Variants in GCAT observed in about 807,000 individuals in gnomAD.
The protein encoded by GCAT is 2-amino-3-ketobutyrate coenzyme A ligase, mitochondrial.
A neutral mutation model predicts 39.7 loss-of-function variants in GCAT; 26 were observed. The observed-to-expected ratio is 0.65, with a 90% CI of 0.48 to 0.91. The LOEUF is 0.91. Ranked by LOEUF, GCAT falls within the 40% of genes least tolerant of loss-of-function variation. GCAT has a pLI of 0.00. For synonymous variants in GCAT, 218 were observed against 237.2 expected, an observed-to-expected ratio of 0.92 and a Z score of 0.74; for missense variants, 550 against 576.2, an observed-to-expected ratio of 0.95 and a Z score of 0.47.
Position 37,813,622 on chromosome 22 carries a change from C to G in GCAT, c.576+13C>G, listed in dbSNP as rs1161781293. ...GCAGGAGGCCCAGGTGGGGCGACGC[C>G]TGGGTCCACCCTCAGCCTCCGCCTG... On this transcript the variant is annotated intron_variant, in intron 4 of 8. Transcript: ENST00000248924. 1 of 1,593,256 alleles carries G rather than the reference C, an allele frequency of 6.3e-7. No homozygotes were observed. The highest frequency in any genetic ancestry group is 8.5e-7 in the Non-Finnish European group (1 of 1,171,290).
chr22:37,810,037 C>T lies in GCAT; in HGVS notation c.207C>T (p.Asn69=), dbSNP rs1202189276. 6.2e-7 allele frequency: 1 copy of T among 1,614,054 alleles called. No homozygotes were observed. Among genetic ancestry groups the T allele is most frequent in the Non-Finnish European group, 8.5e-7 (1 of 1,179,866 alleles). ...RVDGVSGGIL[N]FCANNYLGLS... is the part of the protein sequence containing the mutation. ...TCTCCTTCACCTCAGGAATCCTTAA[C>T]TTCTGTGCCAACAACTACCTGGGCC... The change falls in exon 2 of 9, where the codon AAC becomes AAT. Residue 69 remains asparagine, a synonymous_variant. Coordinates refer to ENST00000248924, the MANE Select transcript of GCAT (RefSeq NM_014291.4).
Position 37,815,640 on chromosome 22 carries a change from C to T in GCAT, c.815-23C>T, listed in dbSNP as rs761581343. The T allele has an allele frequency of 1.1e-5, 17 of 1,578,536 alleles. No individual in the cohort carries two copies. The South Asian group carries it at 1.7e-4, about 15-fold the overall frequency. On this transcript the variant is annotated intron_variant, in intron 6 of 8. Coordinates refer to ENST00000248924, the MANE Select transcript of GCAT (RefSeq NM_014291.4). ...CTCTGGCCCCTGACCAACCCCTCCCCCCACCTCTTCCCTTCTTCTCAGGGG... is the reference window on the plus strand; with the variant it reads ...CTCTGGCCCCTGACCAACCCCTCCCTCCACCTCTTCCCTTCTTCTCAGGGG...
intron 4 of GCAT, 65 bp downstream of exon 4, chr22:37,813,674 C>G: frequency 7.1e-7 from 1 of 1,416,928 alleles, no homozygotes; most frequent in South Asian, 1.4e-5. Context: ...TTAGAGAGGC[C>G]AACTCCTCAC....
intron 6 of GCAT, 33 bp downstream of exon 6, chr22:37,815,533 T>C: frequency 1.9e-6 from 3 of 1,573,768 alleles, no homozygotes; most frequent in Non-Finnish European, 2.6e-6. Context: ...GGGGTCCCCT[T>C]GTCCTTTTGA....
In GCAT at chr22:37,815,278, A is replaced by G. The variant is rs756696218; in HGVS notation, c.729A>G (p.Gly243=). The G allele has an allele frequency of 3.7e-6, 6 of 1,613,268 alleles. No homozygotes were observed. The South Asian group carries it at 6.6e-5, about 18-fold the overall frequency. Residue 243 remains glycine (G), a splice_region_variant and synonymous_variant, in exon 5 of 9, where the codon GGA becomes GGG. Coordinates refer to ENST00000248924, the MANE Select transcript of GCAT (RefSeq NM_014291.4). ...CCACTGGCTTCCTGGGGCCCACAGGACGGTGGGACCATGTGGCACCTGAGG... is the reference window on the plus strand; with the variant it reads ...CCACTGGCTTCCTGGGGCCCACAGGGCGGTGGGACCATGTGGCACCTGAGG... The part of the protein sequence containing the change: ...CHATGFLGPT[G]RGTDELLGVM...
At chr22:37,810,432 C>T (rs1030571190) in intron 2 of GCAT, among the ~76,000 whole-genome samples, 14 of 151,896 alleles carry the variant, frequency 9.2e-5, no homozygotes, top group Admixed American at 2.6e-4. Context: ...CTGTAACCTT[C>T]GCCTACCAGA....
chr22:37,812,596 A>G (rs767832362), intron 2 of GCAT, among the ~76,000 whole-genome samples: 7 of 152,212 alleles, frequency 4.6e-5, no homozygotes, highest in Non-Finnish European at 1.0e-4. Flanking sequence ...GTATGGTGTT[A>G]GGAAGACACA....
rs1224271936 is a variant in GCAT, at chr22:37,816,677, G to A, written c.1219G>A (p.Ala407Thr). The A allele has an allele frequency of 1.2e-6, 2 of 1,614,122 alleles. No homozygotes were observed. The highest frequency in any genetic ancestry group is 1.1e-5 in the South Asian group (1 of 91,092). The change falls in exon 9 of 9, where the codon GCC becomes ACC. Residue 407 changes from alanine (A) to threonine (T), a missense_variant. Physicochemically the swap from Ala to Thr is moderately conservative, Grantham distance 58. Transcript: ENST00000248924. ...SEEDIDRCVE[A>T]FVEVGRLHGA... is the part of the protein sequence containing the mutation. ...GGAAGACATTGACCGCTGCGTGGAGGCCTTCGTGGAAGTGGGGCGACTGCA... is the reference window on the plus strand; with the variant it reads ...GGAAGACATTGACCGCTGCGTGGAGACCTTCGTGGAAGTGGGGCGACTGCA...
chr22:37,815,047 A>G lies in GCAT; in HGVS notation c.577-79A>G, dbSNP rs1922000930. The G allele has an allele frequency of 2.1e-5, 31 of 1,455,146 alleles. No homozygotes were observed. The South Asian group carries it at 3.7e-4, about 17-fold the overall frequency. 90.1% of individuals were successfully genotyped at this position (1,455,146 alleles called of 1,614,324 possible). Reference sequence around the variant, plus strand: ...TGGGCACTGGGCAGGATGAGCTCTCAGAGCTCCAAGCAGCACAAGAGACGG... The same window carrying G: ...TGGGCACTGGGCAGGATGAGCTCTCGGAGCTCCAAGCAGCACAAGAGACGG... On this transcript the variant is annotated intron_variant, in intron 4 of 8. Coordinates refer to ENST00000248924, the MANE Select transcript of GCAT (RefSeq NM_014291.4).
chr22:37,810,784 G>A (rs1921500305), intron 2 of GCAT, among the ~76,000 whole-genome samples: 1 of 151,902 alleles, frequency 6.6e-6, no homozygotes, highest in Non-Finnish European at 1.5e-5. Context: ...CAAAGTGCTG[G>A]GATTACAGGC....
intron 1 of GCAT, among the ~76,000 whole-genome samples, chr22:37,809,003 T>A (rs1266090191): frequency 6.6e-6 from 1 of 152,192 alleles, no homozygotes; most frequent in Non-Finnish European, 1.5e-5. Context: ...CATTTCACTC[T>A]AACCAGTGGT....
intron 3 of GCAT, 65 bp downstream of exon 3, chr22:37,813,053 G>A: frequency 8.8e-7 from 1 of 1,134,476 alleles, no homozygotes; most frequent in East Asian, 2.3e-5. Flanking sequence ...AGGCTTGGGT[G>A]TGGGCAGTCG....
chr22:37,813,656 A>G (rs746299196), intron 4 of GCAT, 47 bp downstream of exon 4: 1 of 1,535,910 alleles, frequency 6.5e-7, no homozygotes, highest in Non-Finnish European at 8.7e-7. Flanking sequence ...TGGGGAAGGA[A>G]GTGAGGCTTA....
intron 3 of GCAT, 124 bp downstream of exon 3, chr22:37,813,112 CT>C: frequency 1.4e-6 from 1 of 736,430 alleles, no homozygotes; most frequent in Non-Finnish European, 2.4e-6. Flanking sequence ...CCAGAGCCCG[CT>C]TCTGGAGGTC....
chr22:37,815,426 A>T lies in GCAT; in HGVS notation c.740A>T (p.Asp247Val). Reference protein sequence around the residue: ...GFLGPTGRGTDELLGVMDQVT... With the variant: ...GFLGPTGRGTVELLGVMDQVT... ...GGTGGCTTCCCTTGCAGGGGCACAG[A>T]TGAGCTGCTGGGTGTGATGGACCAG... Residue 247 changes from aspartate to valine, a missense_variant, in exon 6 of 9, where the codon GAT becomes GTT. By Grantham distance (152) the Asp-to-Val change is radical. This residue lies in a region of GCAT where 378 missense variants were observed against 390.4 expected (regional missense o/e 0.97). Coordinates refer to ENST00000248924, the MANE Select transcript of GCAT (RefSeq NM_014291.4). 1 of 1,610,670 alleles carries T rather than the reference A, an allele frequency of 6.2e-7. No individual in the cohort carries two copies. Among genetic ancestry groups the T allele is most frequent in the Non-Finnish European group, 8.5e-7 (1 of 1,178,762 alleles).
Position 37,816,257 on chromosome 22 carries a change from C to G in GCAT, c.1044C>G (p.Ile348Met), listed in dbSNP as rs762931479. The change falls in exon 8 of 9, where the codon ATC becomes ATG. Residue 348 changes from isoleucine to methionine, a missense_variant. By Grantham distance (10) the Ile-to-Met change is conservative. Transcript: ENST00000248924. ...GFTISGASHP[I>M]CPVMLGDARL... ...CTATCTCGGGAGCCAGTCACCCCAT[C>G]TGCCCTGTGATGCTGGGTGATGCCC... 1.9e-6 allele frequency: 3 copies of G among 1,613,464 alleles called. No homozygotes were observed. Among genetic ancestry groups the G allele is most frequent in the Non-Finnish European group, 1.7e-6 (2 of 1,179,992 alleles).
intron 1 of GCAT, 71 bp from the exon 2 acceptor site, chr22:37,809,956 C>T: frequency 6.3e-7 from 1 of 1,584,346 alleles, no homozygotes; most frequent in South Asian, 1.1e-5. Flanking sequence ...CAGGGCCTGG[C>T]ACTGTCATCT....
chr22:37,816,798 A>T lies in GCAT; in HGVS notation c.*80A>T. The T allele has an allele frequency of 6.9e-7, 1 of 1,455,130 alleles. No individual in the cohort carries two copies. Among genetic ancestry groups the T allele is most frequent in the Non-Finnish European group, 9.5e-7 (1 of 1,050,478 alleles). 90.1% of individuals were successfully genotyped at this position (1,455,130 alleles called of 1,614,324 possible). ...GAGGTTTTCGATCAGCCCAGACCAG[A>T]GGCTCTGAGCCCTGAACCAAAGTCC... On this transcript the variant is annotated 3_prime_UTR_variant, in exon 9 of 9. Transcript: ENST00000248924.
At chr22:37,809,126 T>C (rs1380943803) in intron 1 of GCAT, among the ~76,000 whole-genome samples, 1 of 152,214 alleles carries the variant, frequency 6.6e-6, no homozygotes, top group African/African-American at 2.4e-5. Context: ...GTTGCACTCA[T>C]TTGTAAAACA....
Sources: gnomAD v4.1 joint callset for allele counts (sites outside exome capture counted in the v4.1 genomes callset) on GRCh38, gnomAD v4.1.1 for gene constraint, gnomAD v4.1.1 regional missense constraint, MANE v1.5 for transcripts, NCBI Gene and HGNC (gene_info 2026-07-23, HGNC 2026-07-21) for gene names.